Variants in NRXN1 observed in about 807,000 individuals in gnomAD.
NRXN1 encodes neurexin 1, also known as neurexin-1.
A neutral mutation model predicts 150.9 loss-of-function variants in NRXN1; 39 were observed. That is an observed-to-expected ratio of 0.26 (90% CI 0.20 to 0.34). The LOEUF is 0.34. Ranked by LOEUF, NRXN1 falls within the 10% of genes least tolerant of loss-of-function variation. The pLI is 1.00. For synonymous variants in NRXN1, 924 were observed against 757.0 expected (o/e 1.22, Z -3.62); for missense variants, 1,815 against 1,949.9 (o/e 0.93, Z 1.30).
intron 17 of NRXN1, among the ~76,000 whole-genome samples, chr2:50,293,377 C>G (rs766668504): frequency 7.9e-5 from 12 of 152,138 alleles, no homozygotes; most frequent in Non-Finnish European, 1.2e-4. Context: ...TCATAGGTTT[C>G]CACATGCATG....
chr2:50,604,687 C>A (rs1676813274), intron 8 of NRXN1, among the ~76,000 whole-genome samples: 1 of 152,130 alleles, frequency 6.6e-6, no homozygotes, highest in African/African-American at 2.4e-5. Flanking sequence ...CTTGGGAAAG[C>A]CTTTTCCTAA....
intron 17 of NRXN1, among the ~76,000 whole-genome samples, chr2:50,332,075 AC>A (rs1298028756): frequency 6.6e-6 from 1 of 152,174 alleles, no homozygotes; most frequent in East Asian, 1.9e-4. Context: ...CATCTCTTCA[AC>A]ATACAGCAAA....
At chr2:50,405,364 G>C (rs187482821) in intron 17 of NRXN1, among the ~76,000 whole-genome samples, 7 of 152,216 alleles carry the variant, frequency 4.6e-5, no homozygotes, top group Non-Finnish European at 1.0e-4. Flanking sequence ...GCAAACAATG[G>C]TGTCTCTTCA....
At chr2:50,540,724 A>C (rs2093369960) in intron 9 of NRXN1, among the ~76,000 whole-genome samples, 1 of 151,942 alleles carries the variant, frequency 6.6e-6, no homozygotes, top group African/African-American at 2.4e-5. Flanking sequence ...GTGCAGTGGC[A>C]GGATCTTGGC....
chr2:50,908,364 C>A lies in NRXN1; in HGVS notation c.832+13505G>T, dbSNP rs564920404. 1.1e-4 allele frequency among the ~76,000 whole-genome samples: 17 copies of A among 147,892 alleles called. No individual in the cohort carries two copies. The South Asian group carries it at 3.2e-3, about 28-fold the overall frequency. On this transcript the variant is annotated intron_variant, in intron 5 of 22. Transcript: ENST00000401669. ...AAATACATACACACATTCACACATA[C>A]ACACACACACACACACACACAACCA...
chr2:50,460,426 G>A (rs1377570791), intron 17 of NRXN1, among the ~76,000 whole-genome samples: 1 of 152,038 alleles, frequency 6.6e-6, no homozygotes, highest in Non-Finnish European at 1.5e-5. Flanking sequence ...GACTAACATA[G>A]ATAATTCAAA....
chr2:50,204,479 T>G (rs2062421519), intron 18 of NRXN1, among the ~76,000 whole-genome samples: 1 of 152,136 alleles, frequency 6.6e-6, no homozygotes, highest in Middle Eastern at 3.4e-3. Context: ...TCCAAGTTGT[T>G]TATTTCCATG....
chr2:50,620,095 A>G lies in NRXN1; in HGVS notation c.1247T>C (p.Val416Ala), dbSNP rs1303777992. Residue 416 changes from valine to alanine, a missense_variant, in exon 8 of 23, where the codon GTT becomes GCT. Physicochemically the swap from Val to Ala is moderately conservative, Grantham distance 64. Transcript: ENST00000401669. ...GTCGGCTGTGCTGGGACTGCCTCCA[A>G]CATAGAAAAAGTCATCAGACCCCAG... ...TMLGSDDFFY[V>A]GGSPSTADLP... 6.2e-7 allele frequency: 1 copy of G among 1,613,434 alleles called. No individual in the cohort carries two copies. The highest frequency in any genetic ancestry group is 8.5e-7 in the Non-Finnish European group (1 of 1,179,646).
chr2:50,137,254 G>C (rs1016668242), intron 18 of NRXN1, among the ~76,000 whole-genome samples: 2 of 152,078 alleles, frequency 1.3e-5, no homozygotes, highest in Non-Finnish European at 2.9e-5. Context: ...ATTAAACTCA[G>C]CTGAACCCTG....
intron 5 of NRXN1, among the ~76,000 whole-genome samples, chr2:50,900,326 A>G (rs1255631289): frequency 1.3e-5 from 2 of 152,160 alleles, no homozygotes; most frequent in Non-Finnish European, 2.9e-5. Context: ...TCAACTCTCC[A>G]GTGGAAGGGT....
At chr2:50,204,456 T>C (rs902998342) in intron 18 of NRXN1, among the ~76,000 whole-genome samples, 1 of 151,998 alleles carries the variant, frequency 6.6e-6, no homozygotes, top group Non-Finnish European at 1.5e-5. Context: ...ATTGGCTCTG[T>C]CAGTTTTAGC....
At chr2:50,420,021 C>T (rs895496090) in intron 17 of NRXN1, among the ~76,000 whole-genome samples, 1 of 151,948 alleles carries the variant, frequency 6.6e-6, no homozygotes, top group African/African-American at 2.4e-5. Context: ...GAGAATGAGA[C>T]AGCAGAGATA....
At chr2:50,604,225 T>G (rs192635830) in intron 8 of NRXN1, among the ~76,000 whole-genome samples, 1 of 152,178 alleles carries the variant, frequency 6.6e-6, no homozygotes, top group Non-Finnish European at 1.5e-5. Flanking sequence ...CAGCCTTGAT[T>G]AGGGTGAAGT....
chr2:50,444,290 C>T (rs373354427), intron 17 of NRXN1, among the ~76,000 whole-genome samples: 2 of 152,086 alleles, frequency 1.3e-5, no homozygotes, highest in South Asian at 4.1e-4. Flanking sequence ...TCATAGAAAA[C>T]AGTGTGGGAC....
At chr2:50,722,319 T>C (rs939143469) in intron 5 of NRXN1, among the ~76,000 whole-genome samples, 3 of 152,110 alleles carry the variant, frequency 2.0e-5, no homozygotes, top group Non-Finnish European at 4.4e-5. Flanking sequence ...AATTCTGATA[T>C]ATCAGCACTA....
chr2:50,541,290 C>T (rs2093383477), intron 9 of NRXN1, among the ~76,000 whole-genome samples: 1 of 152,140 alleles, frequency 6.6e-6, no homozygotes, highest in African/African-American at 2.4e-5. Flanking sequence ...GTAATTCTGA[C>T]ACTAAGAGGA....
chr2:49,991,485 A>AC (rs1400481990), intron 21 of NRXN1, among the ~76,000 whole-genome samples: 41 of 152,040 alleles, frequency 2.7e-4, no homozygotes, highest in African/African-American at 8.9e-4. Flanking sequence ...TTACATTAGC[A>AC]CCCCCCCAAA....
chr2:50,285,504 T>C (rs116905308), intron 17 of NRXN1, among the ~76,000 whole-genome samples: 9 of 152,224 alleles, frequency 5.9e-5, no homozygotes, highest in East Asian at 1.9e-4. Flanking sequence ...TGGGAGGAGA[T>C]TGGAATACCC....
chr2:50,108,391 T>A (rs566046882), intron 18 of NRXN1, among the ~76,000 whole-genome samples: 84 of 152,090 alleles, frequency 5.5e-4, no homozygotes, highest in African/African-American at 1.9e-3. Context: ...AACTCTGAGG[T>A]AACCATTATT....
Sources: gnomAD v4.1 joint callset for allele counts (sites outside exome capture counted in the v4.1 genomes callset) on GRCh38, gnomAD v4.1.1 for gene constraint, MANE v1.5 for transcripts, NCBI Gene and HGNC (gene_info 2026-07-23, HGNC 2026-07-21) for gene names.